The following RNGTT variants were observed in gnomAD, a reference collection of about 807,000 sequenced individuals.
The protein encoded by RNGTT is mRNA-capping enzyme.
Under a neutral mutation model 79.3 loss-of-function variants are expected in RNGTT, and 33 were observed. That is an observed-to-expected ratio of 0.42 (90% CI 0.32 to 0.56). The LOEUF (loss-of-function observed/expected upper bound fraction) is 0.56, where lower values mean the gene tolerates loss of function less well. Among genes scored for constraint, RNGTT ranks in the 20% least tolerant of loss-of-function variants. RNGTT has a pLI of 0.17. For synonymous variants in RNGTT, 222 were observed against 235.9 expected (o/e 0.94, Z 0.54); for missense variants, 497 against 739.1 (o/e 0.67, Z 3.80).
intron 14 of RNGTT, among the ~76,000 whole-genome samples, chr6:88,657,246 A>G (rs1774014384): frequency 2.6e-5 from 4 of 152,202 alleles, no homozygotes; most frequent in Admixed American, 2.6e-4. Flanking sequence ...ATATATCCCC[A>G]CTGGAAAACC....
At chr6:88,776,656 C>T (rs1483313039) in intron 12 of RNGTT, among the ~76,000 whole-genome samples, 2 of 98,558 alleles carry the variant, frequency 2.0e-5, no homozygotes, top group Non-Finnish European at 4.0e-5. Context: ...ACTTTCATGG[C>T]TTCTTTGGAA....
intron 14 of RNGTT, among the ~76,000 whole-genome samples, chr6:88,632,636 T>C: frequency 6.6e-6 from 1 of 151,974 alleles, no homozygotes; most frequent in East Asian, 1.9e-4. Context: ...TCTTCTACTT[T>C]ATTTCATTAA....
chr6:88,899,745 T>C (rs1274260927), intron 6 of RNGTT, among the ~76,000 whole-genome samples: 1 of 152,204 alleles, frequency 6.6e-6, no homozygotes, highest in Non-Finnish European at 1.5e-5. Flanking sequence ...TTTTCCTTTC[T>C]AGTACTCTCC....
In RNGTT at chr6:88,897,034, AAACT is replaced by A. The variant is rs142339635; in HGVS notation, c.685-5123_685-5120del. ...TTGATTGAGTGCCGACAGCATTCTAAAACTAACATGTCACTATAAACTCTTTTAC... is the reference window on the plus strand; with the variant it reads ...TTGATTGAGTGCCGACAGCATTCTAAAACATGTCACTATAAACTCTTTTAC... On this transcript the variant is annotated intron_variant, in intron 6 of 15. Coordinates refer to ENST00000369485, the MANE Select transcript of RNGTT (RefSeq NM_003800.5). Among the ~76,000 whole-genome samples the A allele has an allele frequency of 6.1e-3, 935 of 152,276 alleles. 9 individuals are homozygous for A. Among genetic ancestry groups the A allele is most frequent in the African/African-American group, 0.018 (729 of 41,538 alleles).
rs543177176 is a variant in RNGTT, at chr6:88,727,018, A to G, written c.1439+42756T>C. ...AAAAAGGGGTGGGGGGGGAGAATTTATGTAAAAAGGAATGTTATATGGTAA... is the reference window on the plus strand; with the variant it reads ...AAAAAGGGGTGGGGGGGGAGAATTTGTGTAAAAAGGAATGTTATATGGTAA... On this transcript the variant is annotated intron_variant, in intron 13 of 15. Transcript: ENST00000369485. Among the ~76,000 whole-genome samples the G allele has an allele frequency of 5.9e-5, 9 of 152,208 alleles. No individual in the cohort carries two copies. The East Asian group carries it at 1.5e-3, about 26-fold the overall frequency.
intron 2 of RNGTT, among the ~76,000 whole-genome samples, chr6:88,930,126 ACG>A (rs1784465391): frequency 7.1e-6 from 1 of 141,580 alleles, no homozygotes; most frequent in African/African-American, 2.8e-5. Context: ...ACATATATAC[ACG>A]TATACATACA....
intron 11 of RNGTT, among the ~76,000 whole-genome samples, chr6:88,838,608 G>A (rs1185334910): frequency 6.6e-6 from 1 of 152,018 alleles, no homozygotes; most frequent in Non-Finnish European, 1.5e-5. Flanking sequence ...AGACAATAAA[G>A]AAGACCTACA....
chr6:88,766,072 C>T (rs1323650212), intron 13 of RNGTT, among the ~76,000 whole-genome samples: 3 of 152,072 alleles, frequency 2.0e-5, no homozygotes, highest in African/African-American at 7.2e-5. Flanking sequence ...AATATTTAAA[C>T]GTTTACCATG....
chr6:88,769,200 C>G (rs984004383), intron 13 of RNGTT, among the ~76,000 whole-genome samples: 1 of 151,930 alleles, frequency 6.6e-6, no homozygotes, highest in African/African-American at 2.4e-5. Context: ...ACTCTGTCAC[C>G]CAGGCTGGAG....
intron 12 of RNGTT, among the ~76,000 whole-genome samples, chr6:88,770,634 C>G (rs1467211522): frequency 6.6e-6 from 1 of 152,122 alleles, no homozygotes; most frequent in Non-Finnish European, 1.5e-5. Context: ...TTTCCTAACT[C>G]TTGGGTAAAT....
intron 13 of RNGTT, among the ~76,000 whole-genome samples, chr6:88,708,693 G>C (rs910174394): frequency 5.3e-5 from 8 of 152,116 alleles, no homozygotes; most frequent in African/African-American, 1.9e-4. Context: ...ATCACTTTAA[G>C]TAGCACTTTG....
chr6:88,926,813 G>A (rs1190393942), intron 4 of RNGTT, among the ~76,000 whole-genome samples: 1 of 152,190 alleles, frequency 6.6e-6, no homozygotes, highest in African/African-American at 2.4e-5. Flanking sequence ...GAGACAATGT[G>A]TGTGACATGG....
chr6:88,797,971 A>G (rs1462320968), intron 12 of RNGTT, among the ~76,000 whole-genome samples: 1 of 150,888 alleles, frequency 6.6e-6, no homozygotes, highest in Non-Finnish European at 1.5e-5. Context: ...AGAGGAAAAT[A>G]ATTGCCTCCT....
intron 13 of RNGTT, among the ~76,000 whole-genome samples, chr6:88,702,492 TAG>T (rs1775981140): frequency 6.6e-6 from 1 of 152,094 alleles, no homozygotes; most frequent in African/African-American, 2.4e-5. Flanking sequence ...TGTCCTGGGA[TAG>T]CTGGCTAGCC....
intron 4 of RNGTT, among the ~76,000 whole-genome samples, chr6:88,908,398 T>C (rs770583783): frequency 6.6e-6 from 1 of 152,236 alleles, no homozygotes; most frequent in Non-Finnish European, 1.5e-5. Flanking sequence ...CCACCACACT[T>C]TGAACCACCA....
rs57148394 is a variant in RNGTT at position 88,961,128 on chromosome 6, A to C, written c.64+2218T>G. ...ATAAAGCAGGCAGAAAAATGTGAAAAGACTTGACCGGCTTAGCCTCCCAGC... is the reference window on the plus strand; with the variant it reads ...ATAAAGCAGGCAGAAAAATGTGAAACGACTTGACCGGCTTAGCCTCCCAGC... On this transcript the variant is annotated intron_variant, in intron 1 of 15. Coordinates refer to ENST00000369485, the MANE Select transcript of RNGTT (RefSeq NM_003800.5). 3.1e-3 allele frequency among the ~76,000 whole-genome samples: 470 copies of C among 152,300 alleles called. 1 individual carries two copies. The highest frequency in any genetic ancestry group is 0.011 in the African/African-American group (452 of 41,574).
chr6:88,760,570 C>A (rs1384018894), intron 13 of RNGTT, among the ~76,000 whole-genome samples: 5 of 152,104 alleles, frequency 3.3e-5, no homozygotes, highest in Admixed American at 3.3e-4. Flanking sequence ...CAACCAGCTA[C>A]ATACCAAATA....
chr6:88,738,590 G>A (rs1777361073), intron 13 of RNGTT, among the ~76,000 whole-genome samples: 1 of 152,136 alleles, frequency 6.6e-6, no homozygotes, highest in Non-Finnish European at 1.5e-5. Context: ...AGGTTGCAGT[G>A]AGCCAAGATG....
intron 6 of RNGTT, among the ~76,000 whole-genome samples, chr6:88,903,270 T>C (rs540739722): frequency 6.6e-6 from 1 of 151,950 alleles, no homozygotes; most frequent in South Asian, 2.1e-4. Context: ...ACTCAGGAGG[T>C]TGAGGTAGAA....
Sources: allele counts gnomAD v4.1 joint callset (sites outside exome capture counted in the v4.1 genomes callset), GRCh38; gene constraint gnomAD v4.1.1; transcripts MANE v1.5; gene names NCBI Gene and HGNC (gene_info 2026-07-23, HGNC 2026-07-21).